Variants in SCAMP2 observed in about 807,000 individuals in gnomAD.
SCAMP2 encodes the protein secretory carrier-associated membrane protein 2.
In SCAMP2, 25 loss-of-function variants were observed where a neutral mutation model predicts 44.1. That is an observed-to-expected ratio of 0.57 (90% CI 0.41 to 0.79). The LOEUF (loss-of-function observed/expected upper bound fraction) is 0.79. SCAMP2 is among the 30% of genes least tolerant of loss of function. The pLI is 0.00. For synonymous variants in SCAMP2, 156 were observed against 166.0 expected, an observed-to-expected ratio of 0.94 and a Z score of 0.46; for missense variants, 355 against 411.0, an observed-to-expected ratio of 0.86 and a Z score of 1.18.
Position 74,852,184 on chromosome 15 carries a change from G to C in SCAMP2, c.228C>G (p.Ala76=), listed in dbSNP as rs374519413. The C allele has an allele frequency of 6.6e-7, 1 of 1,523,518 alleles. No individual in the cohort carries two copies. Among genetic ancestry groups the C allele is most frequent in the South Asian group, 1.3e-5 (1 of 79,202 alleles). The allele number at this position is 1,523,518 out of a possible 1,614,324, so 94.4% of individuals were successfully genotyped here. Residue 76 remains alanine (A), a splice_region_variant and synonymous_variant, in exon 4 of 9, where the codon GCC becomes GCG. Coordinates refer to ENST00000268099, the MANE Select transcript of SCAMP2 (RefSeq NM_005697.5). Reference sequence around the variant, plus strand: ...GGCCTGCCTGGGCTGCAGACACCACGGCCTGGAGAGAACAGGGGAGGTACA... The same window carrying C: ...GGCCTGCCTGGGCTGCAGACACCACCGCCTGGAGAGAACAGGGGAGGTACA... The part of the protein sequence containing the change: ...SVEPTQPTPQ[A]VVSAAQAGLL...
chr15:74,861,461 A>G lies in SCAMP2; in HGVS notation c.58-6812T>C, dbSNP rs556576673. Among the ~76,000 whole-genome samples, 19 of 152,342 alleles carry G rather than the reference A, an allele frequency of 1.2e-4. No homozygotes were observed. In the East Asian group the frequency reaches 3.3e-3, roughly 26 times the overall value. ...AAAATCTGTACCTGCAATGATATTCATAGGACCAGGACTTACAATAGGAGA... is the reference window on the plus strand; with the variant it reads ...AAAATCTGTACCTGCAATGATATTCGTAGGACCAGGACTTACAATAGGAGA... On this transcript the variant is annotated intron_variant, in intron 1 of 8. Coordinates refer to ENST00000268099, the MANE Select transcript of SCAMP2 (RefSeq NM_005697.5).
At chr15:74,867,086 C>T (rs1318128601) in intron 1 of SCAMP2, among the ~76,000 whole-genome samples, 4 of 152,166 alleles carry the variant, frequency 2.6e-5, no homozygotes, top group Non-Finnish European at 5.9e-5. Flanking sequence ...TGAGCCACTG[C>T]GCCCCAGCCT....
chr15:74,863,569 G>A (rs1281007470), intron 1 of SCAMP2, among the ~76,000 whole-genome samples: 3 of 151,160 alleles, frequency 2.0e-5, no homozygotes, highest in African/African-American at 4.9e-5. Flanking sequence ...TCCTGCCACC[G>A]GCTGCAATGT....
At chr15:74,854,168 G>A in intron 2 of SCAMP2, 49 bp from the exon 3 acceptor site, 1 of 1,517,432 alleles carries the variant, frequency 6.6e-7, no homozygotes, top group Non-Finnish European at 9.2e-7. Context: ...TCCATTAGCT[G>A]GTGACGAGGG....
At chr15:74,857,674 A>G (rs1266763701) in intron 1 of SCAMP2, among the ~76,000 whole-genome samples, 1 of 152,174 alleles carries the variant, frequency 6.6e-6, no homozygotes, top group African/African-American at 2.4e-5. Flanking sequence ...GGGGACTGTG[A>G]TGGGGATCAT....
At position 74,850,485 on chromosome 15, in the gene SCAMP2, GTCTCACCCCT is replaced by G. The variant is rs1236514800; in HGVS notation, c.632+19_632+28del. 2 of 1,609,250 alleles carry G rather than the reference GTCTCACCCCT, an allele frequency of 1.2e-6. No individual in the cohort carries two copies. Among genetic ancestry groups the G allele is most frequent in the African/African-American group, 2.7e-5 (2 of 74,820 alleles). On this transcript the variant is annotated intron_variant, in intron 6 of 8. Transcript: ENST00000268099. ...TGCTACCTGGGATGCCAGCCATAAAGTCTCACCCCTTGCCCCGGCCTCACTCACCTAAAGG... is the reference window on the plus strand; with the variant it reads ...TGCTACCTGGGATGCCAGCCATAAAGTGCCCCGGCCTCACTCACCTAAAGG...
rs1302361109 is a variant in SCAMP2 at position 74,851,450 on chromosome 15, C to T, written c.375G>A (p.Ser125=). Residue 125 remains serine (S), a synonymous_variant, in exon 5 of 9, where the codon TCG becomes TCA. Coordinates refer to ENST00000268099, the MANE Select transcript of SCAMP2 (RefSeq NM_005697.5). The part of the protein sequence containing the change: ...VRQNNWPPLP[S]WCPVKPCFYQ... ...AGAAGCAGGGCTTCACAGGGCACCA[C>T]GAGGGCAGAGGGGGCCAGTTGTTCT... 7.4e-6 allele frequency: 12 copies of T among 1,613,804 alleles called. No homozygotes were observed. Among genetic ancestry groups the T allele is most frequent in the Admixed American group, 3.3e-5 (2 of 59,990 alleles).
chr15:74,864,350 C>T (rs1407471321), intron 1 of SCAMP2, among the ~76,000 whole-genome samples: 3 of 152,056 alleles, frequency 2.0e-5, no homozygotes, highest in Non-Finnish European at 4.4e-5. Context: ...CTTGAGCCAC[C>T]GCACCTGGCC....
intron 7 of SCAMP2, among the ~76,000 whole-genome samples, chr15:74,846,431 G>C (rs571303583): frequency 7.0e-6 from 1 of 142,316 alleles, no homozygotes; most frequent in South Asian, 2.3e-4. Flanking sequence ...GAGCAACAGA[G>C]TGAGACCCTG....
At chr15:74,863,226 C>T (rs1288639868) in intron 1 of SCAMP2, among the ~76,000 whole-genome samples, 6 of 151,562 alleles carry the variant, frequency 4.0e-5, no homozygotes, top group Admixed American at 6.6e-5. Flanking sequence ...GCGCCTGTAA[C>T]CCCAGCTACT....
rs1192957053 is a variant in SCAMP2, at chr15:74,853,685, G to T, written c.225+336C>A. 1.2e-5 allele frequency: 5 copies of T among 425,196 alleles called. No individual in the cohort carries two copies. In the East Asian group the frequency reaches 2.5e-4, roughly 22 times the overall value. 26.3% of individuals were successfully genotyped at this position (425,196 alleles called of 1,614,324 possible). ...AAGTTAAAAAAAAGAGAGAGATTCT[G>T]GGCCCCAAGGAAGAGAGAACAAGCC... is the stretch of plus-strand genomic sequence containing the variant. On this transcript the variant is annotated intron_variant, in intron 3 of 8. Transcript: ENST00000268099.
intron 3 of SCAMP2, 50 bp from the exon 4 acceptor site, chr15:74,852,236 A>G: frequency 7.6e-7 from 1 of 1,318,082 alleles, no homozygotes; most frequent in South Asian, 1.7e-5. Context: ...ACAAACAGAA[A>G]CAGTGTCAGC....
chr15:74,854,181 C>A, intron 2 of SCAMP2, 62 bp from the exon 3 acceptor site: 4 of 1,424,964 alleles, frequency 2.8e-6, no homozygotes, highest in African/African-American at 2.8e-5. Flanking sequence ...GACGAGGGGG[C>A]AAACCCACAG....
At chr15:74,845,298 G>T in intron 8 of SCAMP2, 81 bp from the exon 9 acceptor site, 1 of 1,589,234 alleles carries the variant, frequency 6.3e-7, no homozygotes, top group East Asian at 2.2e-5. Context: ...ACTCCCAAAG[G>T]GGTCACCAGA....
In SCAMP2 at chr15:74,844,291, G is replaced by A. The variant is rs2064370477; in HGVS notation, c.*792C>T. ...CCTCCTAGAAGACGCTGGACGCTAG[G>A]CAGGACAGCTTGGGGTCAGTGTCCT... On this transcript the variant is annotated 3_prime_UTR_variant, in exon 9 of 9. Coordinates refer to ENST00000268099, the MANE Select transcript of SCAMP2 (RefSeq NM_005697.5). The A allele has an allele frequency of 6.6e-6, 1 of 152,236 alleles. No individual in the cohort carries two copies. Among genetic ancestry groups the A allele is most frequent in the African/African-American group, 2.4e-5 (1 of 41,398 alleles). 9.4% of individuals were successfully genotyped at this position (152,236 alleles called of 1,614,324 possible).
chr15:74,872,233 T>C (rs2064580939), intron 1 of SCAMP2, among the ~76,000 whole-genome samples: 1 of 151,862 alleles, frequency 6.6e-6, no homozygotes, highest in Non-Finnish European at 1.5e-5. Flanking sequence ...GCCAACACGG[T>C]GAAACCCCGT....
Position 74,873,338 on chromosome 15 carries a change from C to T in SCAMP2, c.-83G>A, listed in dbSNP as rs2064591158. The T allele has an allele frequency of 5.4e-6, 7 of 1,291,432 alleles. No homozygotes were observed. Among genetic ancestry groups the T allele is most frequent in the Non-Finnish European group, 7.2e-6 (7 of 972,218 alleles). 80.0% of individuals were successfully genotyped at this position (1,291,432 alleles called of 1,614,324 possible). On this transcript the variant is annotated 5_prime_UTR_variant, in exon 1 of 9. Coordinates refer to ENST00000268099, the MANE Select transcript of SCAMP2 (RefSeq NM_005697.5). ...CCCAGCGGCGCTTCGTGTAGACCCT[C>T]CACTTCCGGGAGCGAGGCAGCGGTT...
chr15:74,872,929 C>G (rs1222871201), intron 1 of SCAMP2: 4 of 430,606 alleles, frequency 9.3e-6, no homozygotes, highest in Non-Finnish European at 1.6e-5. Context: ...CGTACCTGCT[C>G]CAGTCCCCTT....
chr15:74,848,931 C>G (rs899972220), intron 6 of SCAMP2, among the ~76,000 whole-genome samples: 1 of 152,042 alleles, frequency 6.6e-6, no homozygotes, highest in Non-Finnish European at 1.5e-5. Context: ...TGCTTGACCC[C>G]TTCCTCAAAG....
Sources: gnomAD v4.1 joint callset for allele counts (sites outside exome capture counted in the v4.1 genomes callset) on GRCh38, gnomAD v4.1.1 for gene constraint, MANE v1.5 for transcripts, NCBI Gene and HGNC (gene_info 2026-07-23, HGNC 2026-07-21) for gene names.